The following SAMD12 variants were observed in gnomAD, a reference collection of about 807,000 sequenced individuals.
The protein encoded by SAMD12 is sterile alpha motif domain containing 12.
Under a neutral mutation model 15.0 loss-of-function variants are expected in SAMD12, and 9 were observed. That is an observed-to-expected ratio of 0.60 (90% CI 0.36 to 1.05). The LOEUF is 1.05. Ranked by LOEUF, SAMD12 falls within the 50% of genes least tolerant of loss-of-function variation. The probability of loss-of-function intolerance (pLI) is 0.01; values close to 1 mark genes in which losing one functional copy is unlikely to be tolerated. For synonymous variants in SAMD12, 86 were observed against 90.1 expected, an observed-to-expected ratio of 0.96 and a Z score of 0.25; for missense variants, 230 against 234.2, an observed-to-expected ratio of 0.98 and a Z score of 0.12.
intron 3 of SAMD12, among the ~76,000 whole-genome samples, chr8:118,389,777 G>T (rs996034657): frequency 3.3e-5 from 5 of 151,698 alleles, no homozygotes; most frequent in African/African-American, 1.2e-4. Context: ...CCCTAAAATG[G>T]GCAATTCCAA....
At chr8:118,371,928 G>A (rs992747750) in intron 4 of SAMD12, among the ~76,000 whole-genome samples, 5 of 152,064 alleles carry the variant, frequency 3.3e-5, no homozygotes, top group Non-Finnish European at 5.9e-5. Flanking sequence ...AGAGAACTGA[G>A]AGAGTCAATA....
At chr8:118,514,869 C>T (rs1258525501) in intron 2 of SAMD12, among the ~76,000 whole-genome samples, 1 of 152,188 alleles carries the variant, frequency 6.6e-6, no homozygotes, top group Non-Finnish European at 1.5e-5. Context: ...TGTCCCTGTC[C>T]AAATCTCATG....
Position 118,223,360 on chromosome 8 carries a change from C to T in SAMD12, c.434-25628G>A, listed in dbSNP as rs538884885. 6.6e-5 allele frequency among the ~76,000 whole-genome samples: 10 copies of T among 152,330 alleles called. No homozygotes were observed. The South Asian group carries it at 1.9e-3, about 28-fold the overall frequency. On this transcript the variant is annotated intron_variant, in intron 4 of 4. Coordinates refer to the SAMD12 transcript ENST00000409003. ...AAAGTCACACTAAGTCACTCCCATG[C>T]TATCTCCTGTAGCATCTGGGTTTTC...
At chr8:118,564,792 C>G (rs558928237) in intron 2 of SAMD12, among the ~76,000 whole-genome samples, 15 of 152,328 alleles carry the variant, frequency 9.8e-5, no homozygotes, top group East Asian at 1.9e-4. Flanking sequence ...AAGTTTATTT[C>G]TTGCTTAAAC....
At chr8:118,266,010 G>C (rs562016213) in intron 4 of SAMD12, among the ~76,000 whole-genome samples, 8 of 152,066 alleles carry the variant, frequency 5.3e-5, no homozygotes, top group African/African-American at 1.7e-4. Context: ...AGGTTTAATT[G>C]ACTCACAATT....
Position 118,325,767 on chromosome 8 carries a change from G to C in SAMD12, c.433+53793C>G, listed in dbSNP as rs143431194. Among the ~76,000 whole-genome samples the C allele has an allele frequency of 3.0e-4, 45 of 152,198 alleles. No individual in the cohort carries two copies. In the East Asian group the frequency reaches 7.1e-3, roughly 24 times the overall value. On this transcript the variant is annotated intron_variant, in intron 4 of 4. Coordinates refer to the SAMD12 transcript ENST00000409003. The stretch of plus-strand genomic sequence containing the variant: ...GCAACCTAATTGTTTCTTTATCCTT[G>C]ATTGTAGTCCTCTCTATTTTTGAAA...
At chr8:118,181,320 G>T in the SAMD12 span, among the ~76,000 whole-genome samples, 1 of 152,184 alleles carries the variant, frequency 6.6e-6, no homozygotes, top group Non-Finnish European at 1.5e-5. Context: ...CATCTATAAA[G>T]TGGAGGTCAC....
At chr8:118,367,739 A>T (rs1261345518) in intron 4 of SAMD12, among the ~76,000 whole-genome samples, 1 of 152,228 alleles carries the variant, frequency 6.6e-6, no homozygotes, top group Non-Finnish European at 1.5e-5. Context: ...TGAGCTGTGA[A>T]GCAGCAATGA....
Position 118,379,491 on chromosome 8 carries a change from G to A in SAMD12, c.532C>T (p.Gln178Ter). 1 of 1,613,832 alleles carries A rather than the reference G, an allele frequency of 6.2e-7. No homozygotes were observed. Residue 178 changes from glutamine (Q) to a stop codon, truncating the protein, a stop_gained, in exon 4 of 4, where the codon CAG (glutamine) becomes TAG (stop). Coordinates refer to ENST00000314727, the MANE Select transcript of SAMD12 (RefSeq NM_207506.3). LOFTEE classifies it low-confidence loss of function (END_TRUNC). ...IRRKTTLLLGQTGVRENLLLF... is the reference protein window; with the variant it reads ...IRRKTTLLLG ...AACAAATTCTCCCTGACTCCTGTCT[G>A]TCCTAATAGTAAGGTGGTCTTTCTT...
At chr8:118,180,430 C>T in the SAMD12 span, among the ~76,000 whole-genome samples, 1 of 152,140 alleles carries the variant, frequency 6.6e-6, no homozygotes, top group East Asian at 1.9e-4. Flanking sequence ...TCATTCCTGC[C>T]CCCAACCCGC....
At chr8:118,590,486 C>T (rs184650968) in intron 1 of SAMD12, among the ~76,000 whole-genome samples, 1 of 152,180 alleles carries the variant, frequency 6.6e-6, no homozygotes, top group Non-Finnish European at 1.5e-5. Context: ...TTCCTTCCTG[C>T]GATTGTGTCA....
chr8:118,159,523 A>T, the SAMD12 span, among the ~76,000 whole-genome samples: 1 of 152,158 alleles, frequency 6.6e-6, no homozygotes, highest in African/African-American at 2.4e-5. Flanking sequence ...AGTGGGCCCA[A>T]GCAAAACTTG....
chr8:118,533,949 G>A (rs541586167), intron 2 of SAMD12, among the ~76,000 whole-genome samples: 1 of 152,242 alleles, frequency 6.6e-6, no homozygotes, highest in South Asian at 2.1e-4. Flanking sequence ...TACATTTGAG[G>A]TTAACATTTT....
chr8:118,522,220 A>T (rs1825411647), intron 2 of SAMD12, among the ~76,000 whole-genome samples: 1 of 151,466 alleles, frequency 6.6e-6, no homozygotes, highest in South Asian at 2.1e-4. Flanking sequence ...ACACACGATA[A>T]AAAGAGAGAA....
the SAMD12 span, among the ~76,000 whole-genome samples, chr8:118,177,604 T>C: frequency 5.9e-5 from 9 of 152,104 alleles, no homozygotes; most frequent in Admixed American, 1.3e-4. Flanking sequence ...ATGGGTGTAA[T>C]CCCAGCATTT....
chr8:118,154,148 A>ACACACACT, the SAMD12 span, among the ~76,000 whole-genome samples: 2 of 151,686 alleles, frequency 1.3e-5, no homozygotes, highest in Non-Finnish European at 2.9e-5. Context: ...ACAAGTGCAC[A>ACACACACT]CACACACACA....
intron 2 of SAMD12, among the ~76,000 whole-genome samples, chr8:118,580,012 T>C (rs1466382795): frequency 1.3e-5 from 2 of 152,182 alleles, no homozygotes; most frequent in Admixed American, 1.3e-4. Context: ...CACCAATGCC[T>C]ATTTTGTCAG....
chr8:118,492,674 G>T (rs1055925632), intron 2 of SAMD12, among the ~76,000 whole-genome samples: 54 of 152,090 alleles, frequency 3.6e-4, no homozygotes, highest in African/African-American at 1.2e-3. Context: ...TTTAAGAAGA[G>T]AAACATATTT....
chr8:118,197,731 T>C, exon 5 of SAMD12: 4 of 1,613,412 alleles, frequency 2.5e-6, no homozygotes, highest in East Asian at 2.2e-5. Context: ...CCTCAGATGA[T>C]GCTGCAAGAA....
Sources: gnomAD v4.1 joint callset for allele counts (sites outside exome capture counted in the v4.1 genomes callset) on GRCh38, gnomAD v4.1.1 for gene constraint, MANE v1.5 for transcripts, NCBI Gene and HGNC (gene_info 2026-07-23, HGNC 2026-07-21) for gene names.